GLYR1: variants seen among roughly 807,000 people sequenced by gnomAD.
The protein encoded by GLYR1 is glyoxylate reductase 1 homolog.
In GLYR1, 21 loss-of-function variants were observed where a neutral mutation model predicts 72.7. The ratio of observed to expected loss-of-function variants is 0.29; its 90% confidence interval spans 0.20 to 0.42. GLYR1 has a LOEUF of 0.42. GLYR1 is among the 10% of genes least tolerant of loss of function. GLYR1 has a pLI of 1.00. For synonymous variants in GLYR1, 392 were observed against 270.2 expected, an observed-to-expected ratio of 1.45 and a Z score of -4.42; for missense variants, 594 against 712.1, an observed-to-expected ratio of 0.83 and a Z score of 1.89.
intron 3 of GLYR1, among the ~76,000 whole-genome samples, chr16:4,834,398 C>G (rs1267695292): frequency 6.8e-6 from 1 of 146,216 alleles, no homozygotes; most frequent in Non-Finnish European, 1.5e-5. Flanking sequence ...CTCCTAGGTT[C>G]AAGTGATTCT....
chr16:4,833,680 T>G (rs1349508416), intron 3 of GLYR1, among the ~76,000 whole-genome samples: 2 of 151,986 alleles, frequency 1.3e-5, no homozygotes, highest in Non-Finnish European at 2.9e-5. Context: ...TGCTTGAGAT[T>G]AAAGGTAGAA....
chr16:4,827,593 AAACAAAC>A (rs2084470050), intron 5 of GLYR1, among the ~76,000 whole-genome samples: 1 of 145,294 alleles, frequency 6.9e-6, no homozygotes, highest in African/African-American at 2.6e-5. Context: ...TTAAAAAAAC[AAACAAAC>A]AAACAAACAA....
chr16:4,805,741 G>T (rs932151339), intron 15 of GLYR1, among the ~76,000 whole-genome samples: 2 of 152,116 alleles, frequency 1.3e-5, no homozygotes, highest in Non-Finnish European at 2.9e-5. Context: ...ACTTTAGGAG[G>T]CCAAGGTGGG....
chr16:4,821,604 A>G lies in GLYR1; in HGVS notation c.682-7T>C. 1 of 1,613,678 alleles carries G rather than the reference A, an allele frequency of 6.2e-7. No homozygotes were observed. Among genetic ancestry groups the G allele is most frequent in the East Asian group, 2.2e-5 (1 of 44,886 alleles). Reference sequence around the variant, plus strand: ...CCTGGTAACAGACAGCTGGCTAATGAAGGAGGAGGAAAGAGACTACTTGTG... The same window carrying G: ...CCTGGTAACAGACAGCTGGCTAATGGAGGAGGAGGAAAGAGACTACTTGTG... On this transcript the variant is annotated splice_polypyrimidine_tract_variant and splice_region_variant and intron_variant, in intron 7 of 15. Coordinates refer to ENST00000321919, the MANE Select transcript of GLYR1 (RefSeq NM_032569.4).
At chr16:4,824,156 C>T (rs568234969) in intron 5 of GLYR1, among the ~76,000 whole-genome samples, 5 of 152,272 alleles carry the variant, frequency 3.3e-5, no homozygotes, top group Admixed American at 1.3e-4. Flanking sequence ...AGCCCAAGTA[C>T]GATCTGCAGT....
chr16:4,845,952 C>A (rs921388643), intron 2 of GLYR1, among the ~76,000 whole-genome samples: 7 of 152,156 alleles, frequency 4.6e-5, no homozygotes, highest in African/African-American at 1.7e-4. Context: ...CTTCATAAAC[C>A]TCCTCTAAAT....
rs2083512612 is a variant in GLYR1 at position 4,814,605 on chromosome 16, G to A, written c.949C>T (p.Pro317Ser). The change falls in exon 11 of 16, where the codon CCC (proline) becomes TCC (serine). Residue 317 changes from proline (P) to serine (S), a missense_variant. Physicochemically the swap from Pro to Ser is moderately conservative, Grantham distance 74. Coordinates refer to ENST00000321919, the MANE Select transcript of GLYR1 (RefSeq NM_032569.4). Reference protein sequence around the residue: ...IQEGARLGRTPAEVVSTCDIT... With the variant: ...IQEGARLGRTSAEVVSTCDIT... ...TCGCAGGTTGAGACGACTTCAGCGG[G>A]GGTTCTTCCCAGACGGGCCCCCTCC... The A allele has an allele frequency of 6.2e-7, 1 of 1,614,154 alleles. No individual in the cohort carries two copies. Among genetic ancestry groups the A allele is most frequent in the Non-Finnish European group, 8.5e-7 (1 of 1,180,034 alleles).
At chr16:4,811,430 C>T (rs1382844574) in intron 14 of GLYR1, 136 bp from the exon 15 acceptor site, 5 of 1,289,642 alleles carry the variant, frequency 3.9e-6, no homozygotes, top group South Asian at 1.4e-5. Context: ...GCTCCTCACT[C>T]ACCCTTAGAC....
chr16:4,814,297 T>G (rs1241899377), intron 11 of GLYR1, among the ~76,000 whole-genome samples: 1 of 152,222 alleles, frequency 6.6e-6, no homozygotes, highest in Non-Finnish European at 1.5e-5. Flanking sequence ...TGAAGCCTGT[T>G]CAAGACACAT....
intron 3 of GLYR1, among the ~76,000 whole-genome samples, chr16:4,844,113 C>CAAAAA (rs1190119741): frequency 1.4e-5 from 1 of 69,216 alleles, no homozygotes; most frequent in Non-Finnish European, 3.0e-5. Flanking sequence ...AACTCCATCT[C>CAAAAA]AAAAAAAAAA....
At chr16:4,838,368 A>T (rs1371725928) in intron 3 of GLYR1, among the ~76,000 whole-genome samples, 1 of 152,118 alleles carries the variant, frequency 6.6e-6, no homozygotes, top group Non-Finnish European at 1.5e-5. Flanking sequence ...ATCTGTGAAA[A>T]AATAAGAACC....
intron 3 of GLYR1, chr16:4,839,523 G>A (rs1224049411): frequency 1.3e-5 from 2 of 152,206 alleles, no homozygotes; most frequent in Non-Finnish European, 2.9e-5. Flanking sequence ...AGTGAAGCTG[G>A]CAGGGTTTTG....
chr16:4,843,091 T>C (rs566589397), intron 3 of GLYR1, among the ~76,000 whole-genome samples: 1 of 152,240 alleles, frequency 6.6e-6, no homozygotes, highest in Non-Finnish European at 1.5e-5. Context: ...TGCTTTCTTA[T>C]AAATTCCCTC....
chr16:4,847,094 C>A (rs914185412), intron 1 of GLYR1, 134 bp downstream of exon 1: 3 of 836,736 alleles, frequency 3.6e-6, no homozygotes, highest in Non-Finnish European at 3.8e-6. Flanking sequence ...CGCTCGCAAG[C>A]GCCGGCACCT....
At chr16:4,813,168 T>A (rs1289227469) in intron 12 of GLYR1, among the ~76,000 whole-genome samples, 3 of 151,824 alleles carry the variant, frequency 2.0e-5, no homozygotes, top group African/African-American at 7.3e-5. Flanking sequence ...TTTCACCGTG[T>A]TAGCCAGGAT....
intron 15 of GLYR1, among the ~76,000 whole-genome samples, chr16:4,810,104 T>C (rs17703146): frequency 0.14 from 21,174 of 152,036 alleles, 1,886 homozygotes; most frequent in South Asian, 0.31. Context: ...GAAAACAAAT[T>C]AACACGGATT....
intron 3 of GLYR1, among the ~76,000 whole-genome samples, chr16:4,833,514 T>C (rs1030716497): frequency 1.3e-5 from 2 of 152,118 alleles, no homozygotes; most frequent in Admixed American, 6.5e-5. Context: ...TGAGCCTATA[T>C]TTGTTCATAA....
At chr16:4,828,168 C>G (rs1351113300) in intron 5 of GLYR1, among the ~76,000 whole-genome samples, 1 of 151,690 alleles carries the variant, frequency 6.6e-6, no homozygotes, top group Non-Finnish European at 1.5e-5. Flanking sequence ...CTCCCGGGTT[C>G]ACGCCATTCT....
chr16:4,818,001 C>CTTT, intron 9 of GLYR1: 1 of 250,994 alleles, frequency 4.0e-6, no homozygotes, highest in Non-Finnish European at 7.5e-6. Flanking sequence ...CCCTTGCTGC[C>CTTT]CTTTTTTTTT....
Sources: gnomAD v4.1 joint callset for allele counts (sites outside exome capture counted in the v4.1 genomes callset) on GRCh38, gnomAD v4.1.1 for gene constraint, MANE v1.5 for transcripts, NCBI Gene and HGNC (gene_info 2026-07-23, HGNC 2026-07-21) for gene names.